The following IPO11 variants were observed in gnomAD, a reference collection of about 807,000 sequenced individuals.
IPO11 encodes the protein importin 11, also known as importin-11.
IPO11 carries 66 observed loss-of-function variants against 143.2 expected under a neutral mutation model. The ratio of observed to expected loss-of-function variants is 0.46; its 90% CI spans 0.38 to 0.57. The LOEUF (loss-of-function observed/expected upper bound fraction) is 0.57, where lower values mean the gene tolerates loss of function less well. Ranked by LOEUF, IPO11 falls within the 20% of genes least tolerant of loss-of-function variation. The pLI, the probability that IPO11 is intolerant of heterozygous loss-of-function variation, is 0.00. For synonymous variants in IPO11, 385 were observed against 377.8 expected (o/e 1.02, Z -0.22); for missense variants, 1,026 against 1,141.0 (o/e 0.90, Z 1.45).
At chr5:62,433,037 G>A (rs1744049537) in intron 1 of IPO11, among the ~76,000 whole-genome samples, 1 of 152,030 alleles carries the variant, frequency 6.6e-6, no homozygotes, top group Admixed American at 6.6e-5. Flanking sequence ...TCATTTAATG[G>A]TTTTAGCATG....
At chr5:62,502,190 G>A (rs565718598) in intron 16 of IPO11, among the ~76,000 whole-genome samples, 33 of 152,074 alleles carry the variant, frequency 2.2e-4, no homozygotes, top group African/African-American at 7.7e-4. Flanking sequence ...ATGTCTTGAC[G>A]GCACTTACTC....
chr5:62,623,645 C>CT (rs34547621), intron 29 of IPO11, among the ~76,000 whole-genome samples: 12,702 of 134,236 alleles, frequency 0.095, 624 homozygotes, highest in East Asian at 0.14. Context: ...TCTTCTTTTT[C>CT]TTTTTTTTTT....
At chr5:62,612,016 AATG>A (rs1480642995) in intron 29 of IPO11, among the ~76,000 whole-genome samples, 1 of 152,212 alleles carries the variant, frequency 6.6e-6, no homozygotes, top group African/African-American at 2.4e-5. Flanking sequence ...CCACAAAATG[AATG>A]ATATGTTGTG....
At chr5:62,471,879 A>G (rs1468195989) in intron 7 of IPO11, among the ~76,000 whole-genome samples, 1 of 152,184 alleles carries the variant, frequency 6.6e-6, no homozygotes, top group African/African-American at 2.4e-5. Flanking sequence ...GGTAACTGTT[A>G]TGTGGTTTTC....
At chr5:62,614,074 G>A (rs1411882578) in intron 29 of IPO11, among the ~76,000 whole-genome samples, 7 of 152,182 alleles carry the variant, frequency 4.6e-5, no homozygotes, top group Non-Finnish European at 8.8e-5. Flanking sequence ...TGCATTGTGT[G>A]TGAACATCAT....
intron 25 of IPO11, 97 bp from the exon 26 acceptor site, chr5:62,551,126 A>G: frequency 1.6e-6 from 1 of 643,958 alleles, no homozygotes; most frequent in Middle Eastern, 3.9e-4. Context: ...ATGGAGGAGA[A>G]TGTTATTTTA....
At chr5:62,487,465 T>G (rs1209251992) in intron 12 of IPO11, among the ~76,000 whole-genome samples, 1 of 152,150 alleles carries the variant, frequency 6.6e-6, no homozygotes, top group East Asian at 1.9e-4. Context: ...ACAGAATGCT[T>G]TTTAAATTTA....
intron 5 of IPO11, among the ~76,000 whole-genome samples, chr5:62,460,337 T>A (rs1745310964): frequency 6.6e-6 from 1 of 151,606 alleles, no homozygotes; most frequent in Middle Eastern, 3.4e-3. Flanking sequence ...ATTGACTTGT[T>A]AAAAAAAAAC....
chr5:62,449,181 T>A (rs552747333), intron 3 of IPO11, among the ~76,000 whole-genome samples: 8 of 152,194 alleles, frequency 5.3e-5, no homozygotes, highest in Non-Finnish European at 8.8e-5. Flanking sequence ...ATTACAGGCC[T>A]GAGCCACTGT....
At chr5:62,597,137 C>T (rs1338089559) in intron 28 of IPO11, among the ~76,000 whole-genome samples, 2 of 152,048 alleles carry the variant, frequency 1.3e-5, no homozygotes, top group East Asian at 1.9e-4. Flanking sequence ...AAAGCACATG[C>T]TCATTATAAC....
chr5:62,518,922 G>A (rs181275088), intron 20 of IPO11, among the ~76,000 whole-genome samples: 1 of 152,166 alleles, frequency 6.6e-6, no homozygotes, highest in Non-Finnish European at 1.5e-5. Flanking sequence ...GAATAGAATG[G>A]GATCTTTGTG....
Position 62,448,548 on chromosome 5 carries a change from C to CTTTGT in IPO11, c.240-1365_240-1361dup, listed in dbSNP as rs1238805427. On this transcript the variant is annotated intron_variant, in intron 3 of 29. Coordinates refer to ENST00000325324, the MANE Select transcript of IPO11 (RefSeq NM_016338.5). Reference sequence around the variant, plus strand: ...TAGTACTTTACTTTTTTTAAGAAAACTTTGTTTTGTTTTGTTTTTAGAGAC... The same window carrying CTTTGT: ...TAGTACTTTACTTTTTTTAAGAAAACTTTGTTTTGTTTTGTTTTGTTTTTAGAGAC... 2.6e-5 allele frequency among the ~76,000 whole-genome samples: 4 copies of CTTTGT among 151,892 alleles called. No individual in the cohort carries two copies. In the East Asian group the frequency reaches 5.8e-4, roughly 22 times the overall value.
At chr5:62,515,197 T>A (rs1200852354) in intron 19 of IPO11, among the ~76,000 whole-genome samples, 191 bp from the exon 20 acceptor site, 1 of 152,198 alleles carries the variant, frequency 6.6e-6, no homozygotes, top group Non-Finnish European at 1.5e-5. Flanking sequence ...TTTAAAAATA[T>A]TTACTATAGA....
chr5:62,548,005 T>C (rs1277302875), intron 24 of IPO11, among the ~76,000 whole-genome samples: 1 of 152,162 alleles, frequency 6.6e-6, no homozygotes, highest in Non-Finnish European at 1.5e-5. Context: ...TTTGTATCTA[T>C]GTTCAGATCT....
At chr5:62,622,690 G>C (rs548496108) in intron 29 of IPO11, among the ~76,000 whole-genome samples, 26 of 152,224 alleles carry the variant, frequency 1.7e-4, no homozygotes, top group African/African-American at 5.8e-4. Context: ...GCATACTAGA[G>C]TAAGAATGCC....
chr5:62,453,119 A>AG (rs1444485193), intron 5 of IPO11, among the ~76,000 whole-genome samples: 1 of 151,028 alleles, frequency 6.6e-6, no homozygotes, highest in Non-Finnish European at 1.5e-5. Flanking sequence ...AAAAAAGAAG[A>AG]GGGTGACATG....
chr5:62,500,544 C>A (rs1561336960), intron 16 of IPO11, among the ~76,000 whole-genome samples: 2 of 152,278 alleles, frequency 1.3e-5, no homozygotes, highest in South Asian at 4.1e-4. Flanking sequence ...GTCACCCAGG[C>A]TGGAGTACAG....
intron 26 of IPO11, among the ~76,000 whole-genome samples, chr5:62,557,772 A>G (rs1743627889): frequency 6.6e-6 from 1 of 152,018 alleles, no homozygotes; most frequent in African/African-American, 2.4e-5. Context: ...GGTCTTCTGG[A>G]TTGGACAGCT....
chr5:62,457,870 C>G (rs149819315), intron 5 of IPO11, among the ~76,000 whole-genome samples: 1 of 152,124 alleles, frequency 6.6e-6, no homozygotes, highest in Non-Finnish European at 1.5e-5. Context: ...AAATGCCGGC[C>G]GGGCGCGGTG....
Sources: allele counts gnomAD v4.1 joint callset (sites outside exome capture counted in the v4.1 genomes callset), GRCh38; gene constraint gnomAD v4.1.1; transcripts MANE v1.5; gene names NCBI Gene and HGNC (gene_info 2026-07-23, HGNC 2026-07-21).